Variants in RFX7 observed in about 807,000 individuals in gnomAD.
RFX7 encodes the protein DNA-binding protein RFX7.
Under a neutral mutation model 111.8 loss-of-function variants are expected in RFX7, and 26 were observed. That is an observed-to-expected ratio of 0.23 (90% confidence interval 0.17 to 0.32). The LOEUF (loss-of-function observed/expected upper bound fraction) is 0.32, where lower values mean the gene tolerates loss of function less well. Among genes scored for constraint, RFX7 ranks in the 10% least tolerant of loss-of-function variants. The pLI, the probability that RFX7 is intolerant of heterozygous loss-of-function variation, is 1.00. For synonymous variants in RFX7, 624 were observed against 624.4 expected, an observed-to-expected ratio of 1.00 and a Z score of 0.01; for missense variants, 1,573 against 1,772.9, an observed-to-expected ratio of 0.89 and a Z score of 2.02.
In RFX7 at chr15:56,242,835, G is replaced by C. The variant is rs187250026; in HGVS notation, c.161+290C>G. On this transcript the variant is annotated intron_variant, in intron 2 of 9. Transcript: ENST00000559447. ...CCATCATGCAATATGACTTAATTTC[G>C]ACCCATATTTCTGTTACAATGAGTG... Among the ~76,000 whole-genome samples, 275 of 152,206 alleles carry C rather than the reference G, an allele frequency of 1.8e-3. 1 individual carries two copies. Among genetic ancestry groups the C allele is most frequent in the Middle Eastern group, 3.4e-3 (1 of 294 alleles).
chr15:56,133,068 C>T (rs1206428987), intron 5 of RFX7, among the ~76,000 whole-genome samples: 1 of 152,058 alleles, frequency 6.6e-6, no homozygotes, highest in Non-Finnish European at 1.5e-5. Context: ...TGCTAAATTT[C>T]TTCTTTATAC....
chr15:56,184,810 C>T (rs1212318726), intron 2 of RFX7, among the ~76,000 whole-genome samples: 6 of 152,104 alleles, frequency 3.9e-5, no homozygotes, highest in Non-Finnish European at 8.8e-5. Context: ...TAATTACTGC[C>T]ACTGGCATTT....
At position 56,098,245 on chromosome 15, in the gene RFX7, G is replaced by C; in HGVS notation, c.943C>G (p.Gln315Glu). 1 of 1,613,928 alleles carries C rather than the reference G, an allele frequency of 6.2e-7. No individual in the cohort carries two copies. Among genetic ancestry groups the C allele is most frequent in the South Asian group, 1.1e-5 (1 of 91,070 alleles). The change falls in exon 9 of 10, where the codon CAG (glutamine) becomes GAG (glutamate). Residue 315 changes from glutamine (Q) to glutamate (E), a missense_variant. Transcript: ENST00000559447. ...QQLQRKIQKK[Q>E]QEQKLQSPLP... is the part of the protein sequence containing the mutation. The stretch of plus-strand genomic sequence containing the variant: ...GGGGATTGTAGTTTCTGTTCTTGCT[G>C]CTTCTTCTGGATTTTCCGTTGCAAC...
At position 56,094,999 on chromosome 15, in the gene RFX7, A is replaced by G. The variant is rs768868390; in HGVS notation, c.2729T>C (p.Leu910Ser). Reference protein sequence around the residue: ...MNNSHSYGNCLGMTLQSQSVT... With the variant: ...MNNSHSYGNCSGMTLQSQSVT... Reference sequence around the variant, plus strand: ...TGACTGACTCTGAAGGGTCATTCCCAAACAGTTGCCGTAAGAATGAGAATT... The same window carrying G: ...TGACTGACTCTGAAGGGTCATTCCCGAACAGTTGCCGTAAGAATGAGAATT... The change falls in exon 10 of 10, where the codon TTG becomes TCG. Residue 910 changes from leucine to serine, a missense_variant. Physicochemically the swap from Leu to Ser is moderately radical, Grantham distance 145 (BLOSUM62 -2). Coordinates refer to ENST00000559447, the MANE Select transcript of RFX7 (RefSeq NM_022841.7). The G allele has an allele frequency of 3.0e-5, 49 of 1,613,250 alleles. No homozygotes were observed. In the Admixed American group the frequency reaches 3.2e-4, roughly 10 times the overall value.
chr15:56,109,374 G>C (rs1304468486), intron 5 of RFX7, among the ~76,000 whole-genome samples: 8 of 152,220 alleles, frequency 5.3e-5, no homozygotes, highest in Non-Finnish European at 1.2e-4. Flanking sequence ...CTGGAGTGCA[G>C]TGGCGTGATC....
chr15:56,173,107 T>C (rs555606521), intron 3 of RFX7, among the ~76,000 whole-genome samples: 3 of 151,110 alleles, frequency 2.0e-5, no homozygotes, highest in African/African-American at 7.3e-5. Context: ...GAGAAGGAGG[T>C]TAGTGTTCGA....
At chr15:56,109,252 T>C (rs2140545277) in intron 5 of RFX7, among the ~76,000 whole-genome samples, 1 of 152,364 alleles carries the variant, frequency 6.6e-6, no homozygotes. Context: ...TTCGCTGTGT[T>C]GGCCAGGCTG....
intron 3 of RFX7, among the ~76,000 whole-genome samples, chr15:56,166,957 G>A (rs1306253450): frequency 2.6e-5 from 4 of 152,114 alleles, no homozygotes; most frequent in African/African-American, 9.7e-5. Flanking sequence ...ATTCCAAGGA[G>A]CATATTTTGG....
rs754727376 is a variant in RFX7, at chr15:56,225,603, T to C, written c.161+17522A>G. Among the ~76,000 whole-genome samples the C allele has an allele frequency of 2.0e-5, 3 of 152,154 alleles. 1 individual carries two copies. The highest frequency in any genetic ancestry group is 1.3e-4 in the Admixed American group (2 of 15,276). ...TTAGAAGTCAGGAATCCCAATCACA[T>C]CTCACTTTAGAAGTTAGGAACTCCA... On this transcript the variant is annotated intron_variant, in intron 2 of 9. Coordinates refer to ENST00000559447, the MANE Select transcript of RFX7 (RefSeq NM_022841.7).
intron 2 of RFX7, among the ~76,000 whole-genome samples, chr15:56,233,175 C>T (rs1371373760): frequency 6.6e-6 from 1 of 152,192 alleles, no homozygotes. Context: ...AATGGACTCA[C>T]AGTTCCATGT....
chr15:56,098,049 C>T (rs1445637826), intron 9 of RFX7, 32 bp downstream of exon 9: 4 of 1,597,244 alleles, frequency 2.5e-6, no homozygotes, highest in East Asian at 4.5e-5. Flanking sequence ...CCCACCATCC[C>T]AATAAGGCCA....
At chr15:56,243,035 C>CCG in intron 2 of RFX7, 90 bp downstream of exon 2, 1 of 716,022 alleles carries the variant, frequency 1.4e-6, no homozygotes, top group Admixed American at 2.4e-5. Context: ...TCAGCCTCCT[C>CCG]CTCCGCTCCC....
At chr15:56,151,408 C>T (rs1236946908) in intron 3 of RFX7, among the ~76,000 whole-genome samples, 1 of 152,204 alleles carries the variant, frequency 6.6e-6, no homozygotes, top group African/African-American at 2.4e-5. Flanking sequence ...CAATATTCAA[C>T]ATTCTTAAAG....
intron 3 of RFX7, among the ~76,000 whole-genome samples, chr15:56,161,743 A>T (rs900747775): frequency 1.3e-5 from 2 of 152,102 alleles, no homozygotes; most frequent in Non-Finnish European, 2.9e-5. Context: ...CTTTGGCTTC[A>T]TAAGTGCCAA....
At chr15:56,154,538 C>T (rs1261515297) in intron 3 of RFX7, among the ~76,000 whole-genome samples, 1 of 152,136 alleles carries the variant, frequency 6.6e-6, no homozygotes, top group African/African-American at 2.4e-5. Flanking sequence ...GGAAAGGATT[C>T]CCTATTTAAT....
At chr15:56,207,527 T>C (rs2141192036) in intron 2 of RFX7, among the ~76,000 whole-genome samples, 1 of 152,122 alleles carries the variant, frequency 6.6e-6, no homozygotes, top group African/African-American at 2.4e-5. Context: ...TCAAAATGGA[T>C]CACAGACTTA....
chr15:56,209,345 TGAA>T (rs1279797788), intron 2 of RFX7, among the ~76,000 whole-genome samples: 6 of 149,072 alleles, frequency 4.0e-5, no homozygotes, highest in African/African-American at 1.2e-4. Flanking sequence ...CTTTCAAAAG[TGAA>T]GAAGAAATAT....
chr15:56,095,700 A>C lies in RFX7; in HGVS notation c.2028T>G (p.Ile676Met). ...ETQVPPVKKP[I>M]VEQLSAATIE... ...TGGTAGCTGCTGAAAGCTGTTCCACAATTGGTTTCTTTACAGGAGGCACCT... is the reference window on the plus strand; with the variant it reads ...TGGTAGCTGCTGAAAGCTGTTCCACCATTGGTTTCTTTACAGGAGGCACCT... The change falls in exon 10 of 10, where the codon ATT becomes ATG. Residue 676 changes from isoleucine to methionine, a missense_variant. Coordinates refer to ENST00000559447, the MANE Select transcript of RFX7 (RefSeq NM_022841.7). 6.2e-7 allele frequency: 1 copy of C among 1,613,976 alleles called. No individual in the cohort carries two copies. The highest frequency in any genetic ancestry group is 8.5e-7 in the Non-Finnish European group (1 of 1,179,874).
chr15:56,098,154 G>C lies in RFX7; in HGVS notation c.1034C>G (p.Pro345Arg). The change falls in exon 9 of 10, where the codon CCT (proline) becomes CGT (arginine). Residue 345 changes from proline to arginine, a missense_variant. Pro to Arg is a moderately radical substitution (Grantham distance 103, BLOSUM62 -2). Coordinates refer to ENST00000559447, the MANE Select transcript of RFX7 (RefSeq NM_022841.7). Reference sequence around the variant, plus strand: ...AGAAAGGATTGAAGGATTTCCATTAGGAAGATTAGTCACTCCATTGCTTGT... The same window carrying C: ...AGAAAGGATTGAAGGATTTCCATTACGAAGATTAGTCACTCCATTGCTTGT... ...SATSNGVTNL[P>R]NGNPSILSPQ... 1.9e-6 allele frequency: 3 copies of C among 1,613,922 alleles called. No homozygotes were observed. Among genetic ancestry groups the C allele is most frequent in the South Asian group, 1.1e-5 (1 of 91,086 alleles).
Sources: gnomAD v4.1 joint callset for allele counts (sites outside exome capture counted in the v4.1 genomes callset) on GRCh38, gnomAD v4.1.1 for gene constraint, MANE v1.5 for transcripts, NCBI Gene and HGNC (gene_info 2026-07-23, HGNC 2026-07-21) for gene names.